Variants in NDRG1 observed in about 807,000 individuals in gnomAD.
NDRG1 encodes the protein protein NDRG1.
NDRG1 carries 32 observed loss-of-function variants against 56.9 expected under a neutral mutation model. The observed-to-expected ratio is 0.56, with a 90% CI of 0.42 to 0.76. The LOEUF (loss-of-function observed/expected upper bound fraction) is 0.76. Ranked by LOEUF, NDRG1 falls within the 30% of genes least tolerant of loss-of-function variation. The pLI is 0.00. For synonymous variants in NDRG1, 211 were observed against 204.1 expected (o/e 1.03, Z -0.29); for missense variants, 507 against 545.7 (o/e 0.93, Z 0.71).
intron 3 of NDRG1, among the ~76,000 whole-genome samples, chr8:133,275,185 A>C (rs989405050): frequency 1.3e-5 from 2 of 152,054 alleles, no homozygotes; most frequent in Admixed American, 1.3e-4. Context: ...GCAACCCTAC[A>C]CCCAAGATTT....
At chr8:133,291,294 G>C in intron 1 of NDRG1, among the ~76,000 whole-genome samples, 1 of 152,344 alleles carries the variant, frequency 6.6e-6, no homozygotes, top group Middle Eastern at 3.4e-3. Flanking sequence ...AACATGTGCT[G>C]TGGCTGTTTG....
intron 1 of NDRG1, among the ~76,000 whole-genome samples, chr8:133,291,939 C>G (rs1202983286): frequency 1.3e-5 from 2 of 152,158 alleles, no homozygotes; most frequent in Non-Finnish European, 2.9e-5. Flanking sequence ...AAGAGTGTCC[C>G]AAACACAACA....
chr8:133,263,508 T>C (rs774833012), intron 4 of NDRG1, among the ~76,000 whole-genome samples: 1 of 152,122 alleles, frequency 6.6e-6, no homozygotes, highest in Non-Finnish European at 1.5e-5. Flanking sequence ...CTATGAAAAA[T>C]GGGGAACCCA....
chr8:133,288,084 CTCAT>C (rs1283452205), intron 1 of NDRG1, among the ~76,000 whole-genome samples: 1 of 152,204 alleles, frequency 6.6e-6, no homozygotes. Flanking sequence ...CACAAACACA[CTCAT>C]TCTCACATAC....
intron 3 of NDRG1, among the ~76,000 whole-genome samples, chr8:133,271,778 TAAAAAAAAAAAAAAAAAA>T (rs66733314): frequency 9.8e-5 from 3 of 30,468 alleles, no homozygotes; most frequent in Non-Finnish European, 1.6e-4. Context: ...AGACCCTGTC[TAAAAAAAAAAAAAAAAAA>T]AAAAAAAAAA....
At chr8:133,287,945 GCACACACA>G (rs61430539) in intron 1 of NDRG1, among the ~76,000 whole-genome samples, 5 of 149,040 alleles carry the variant, frequency 3.4e-5, no homozygotes, top group Admixed American at 2.0e-4. Context: ...GTGCACACAC[GCACACACA>G]CACACACACA....
chr8:133,248,889 C>G (rs761550185), intron 10 of NDRG1, 118 bp from the exon 11 acceptor site: 1 of 1,114,384 alleles, frequency 9.0e-7, no homozygotes, highest in Non-Finnish European at 1.3e-6. Context: ...CTACCCACAT[C>G]CCCAACTTGA....
At chr8:133,258,907 G>A (rs1197130611) in intron 6 of NDRG1, 11 of 567,816 alleles carry the variant, frequency 1.9e-5, no homozygotes, top group East Asian at 9.0e-5. Context: ...AAGAACAGGA[G>A]GCAAGAGCAA....
At chr8:133,273,071 C>T (rs1220056836) in intron 3 of NDRG1, among the ~76,000 whole-genome samples, 1 of 152,190 alleles carries the variant, frequency 6.6e-6, no homozygotes, top group East Asian at 1.9e-4. Context: ...CCTCCAGAGC[C>T]CTGCCCGGCC....
At chr8:133,287,489 T>C (rs1456423844) in intron 1 of NDRG1, among the ~76,000 whole-genome samples, 1 of 152,250 alleles carries the variant, frequency 6.6e-6, no homozygotes, top group African/African-American at 2.4e-5. Context: ...ACCCAGTTCC[T>C]GCCCCCACGG....
intron 9 of NDRG1, among the ~76,000 whole-genome samples, chr8:133,251,604 C>T (rs1586424279): frequency 6.6e-6 from 1 of 152,176 alleles, no homozygotes; most frequent in African/African-American, 2.4e-5. Context: ...GTGAATTTTT[C>T]CCAATTCCTA....
intron 3 of NDRG1, among the ~76,000 whole-genome samples, chr8:133,269,711 T>C (rs1175836522): frequency 6.6e-6 from 1 of 152,166 alleles, no homozygotes; most frequent in Non-Finnish European, 1.5e-5. Context: ...AAGGAAACCT[T>C]TCTCTGCAAC....
At chr8:133,270,107 C>A (rs1857118509) in intron 3 of NDRG1, among the ~76,000 whole-genome samples, 1 of 152,242 alleles carries the variant, frequency 6.6e-6, no homozygotes, top group African/African-American at 2.4e-5. Context: ...CGCCAATTCC[C>A]AGAGGGAAAG....
intron 15 of NDRG1, 148 bp from the exon 16 acceptor site, chr8:133,239,267 C>T: frequency 1.6e-6 from 2 of 1,261,186 alleles, no homozygotes; most frequent in Admixed American, 2.0e-5. Context: ...GGCCCCCGTC[C>T]TCTCCATGTC....
Position 133,262,147 on chromosome 8 carries a change from G to A in NDRG1, c.226C>T (p.Leu76Phe). Residue 76 changes from leucine (L) to phenylalanine (F), a missense_variant, in exon 5 of 16, where the codon CTC becomes TTC. Leu to Phe is a conservative substitution (Grantham distance 22). Transcript: ENST00000323851. ...TCCTGCATGTCCTCGTAGTTGAAGA[G>A]GGGGTTGTAGCAGGTTTTGTCTGAA... ...GMNHKTCYNP[L>F]FNYEDMQEIT... 6.2e-7 allele frequency: 1 copy of A among 1,614,126 alleles called. No homozygotes were observed. Among genetic ancestry groups the A allele is most frequent in the Non-Finnish European group, 8.5e-7 (1 of 1,180,038 alleles).
chr8:133,273,660 C>CTA (rs1857307236), intron 3 of NDRG1, among the ~76,000 whole-genome samples: 1 of 152,206 alleles, frequency 6.6e-6, no homozygotes, highest in Non-Finnish European at 1.5e-5. Flanking sequence ...AAGTCTAGGA[C>CTA]TATCTCTACA....
rs537008045 is a variant in NDRG1, at chr8:133,246,747, G to A, written c.808-84C>T. 128 of 1,244,808 alleles carry A rather than the reference G, an allele frequency of 1.0e-4. 1 individual carries two copies. In the Middle Eastern group the frequency reaches 6.7e-3, roughly 65 times the overall value. 77.1% of individuals were successfully genotyped at this position (1,244,808 alleles called of 1,614,324 possible). On this transcript the variant is annotated intron_variant, in intron 12 of 15. Coordinates refer to ENST00000323851, the MANE Select transcript of NDRG1 (RefSeq NM_006096.4). ...CCCCCTTCTCCGCCACTCTGCCACC[G>A]TCACCAGAAACTCCAGTATTTCTGC...
intron 3 of NDRG1, among the ~76,000 whole-genome samples, chr8:133,279,749 G>T (rs1466815451): frequency 6.6e-6 from 1 of 152,228 alleles, no homozygotes; most frequent in Non-Finnish European, 1.5e-5. Flanking sequence ...TCTCCTGAGA[G>T]CCTATTCTTG....
rs112725782 is a variant in NDRG1, at chr8:133,258,365, C to G, written c.450+1G>C. The G allele has an allele frequency of 6.2e-7, 1 of 1,611,056 alleles. No individual in the cohort carries two copies. ...TTTTCAAAAAATGCCAAAGCACTCA[C>G]AGCAAATCGAGTTAGGATGTAGGCG... is the stretch of plus-strand genomic sequence containing the variant. On this transcript the variant is annotated splice_donor_variant, in intron 7 of 15. Coordinates refer to ENST00000323851, the MANE Select transcript of NDRG1 (RefSeq NM_006096.4). LOFTEE classifies it high-confidence loss of function.
Sources: gnomAD v4.1 joint callset for allele counts (sites outside exome capture counted in the v4.1 genomes callset) on GRCh38, gnomAD v4.1.1 for gene constraint, MANE v1.5 for transcripts, NCBI Gene and HGNC (gene_info 2026-07-23, HGNC 2026-07-21) for gene names.